RIT2: variants seen among roughly 807,000 people sequenced by gnomAD.
The protein encoded by RIT2 is Ras like without CAAX 2, also known as GTP-binding protein Rit2.
A neutral mutation model predicts 23.7 loss-of-function variants in RIT2; 24 were observed. The ratio of observed to expected loss-of-function variants is 1.01; its 90% CI spans 0.73 to 1.43. The LOEUF is 1.43. Ranked by LOEUF, RIT2 falls within the 40% of genes most tolerant of loss-of-function variation. The pLI, the probability that RIT2 is intolerant of heterozygous loss-of-function variation, is 0.00. For synonymous variants in RIT2, 107 were observed against 91.1 expected (o/e 1.17, Z -0.99); for missense variants, 236 against 266.9 (o/e 0.88, Z 0.81).
intron 3 of RIT2, among the ~76,000 whole-genome samples, chr18:42,958,140 C>G (rs988734950): frequency 6.6e-6 from 1 of 152,134 alleles, no homozygotes; most frequent in African/African-American, 2.4e-5. Flanking sequence ...AGGCAAGAAA[C>G]AGTCTATAAA....
chr18:42,769,990 G>C (rs1370605838), intron 4 of RIT2, among the ~76,000 whole-genome samples: 1 of 151,930 alleles, frequency 6.6e-6, no homozygotes, highest in Non-Finnish European at 1.5e-5. Flanking sequence ...AGTTTCTACA[G>C]ATCCAAGACA....
chr18:43,042,199 A>G (rs1184702595), intron 1 of RIT2, among the ~76,000 whole-genome samples: 3 of 152,274 alleles, frequency 2.0e-5, no homozygotes, highest in African/African-American at 7.2e-5. Flanking sequence ...ACCATGAAAA[A>G]ATTACTCAAA....
In RIT2 at chr18:42,880,804, CT is replaced by C. The variant is rs397966126; in HGVS notation, c.426+42767del. 1.2e-3 allele frequency among the ~76,000 whole-genome samples: 134 copies of C among 115,558 alleles called. 1 individual carries two copies. The highest frequency in any genetic ancestry group is 1.5e-3 in the African/African-American group (44 of 29,112). 75.8% of individuals were successfully genotyped at this position (115,558 alleles called of 152,430 possible). ...AACAGAATTCTTCCTCTTCCTACCT[CT>C]TTTTTTTTTTTTTTTTTTTGAGACA... On this transcript the variant is annotated intron_variant, in intron 4 of 4. Coordinates refer to ENST00000326695, the MANE Select transcript of RIT2 (RefSeq NM_002930.4).
In RIT2 at chr18:43,098,630, G is replaced by A. The variant is rs181173158; in HGVS notation, c.103+16787C>T. Among the ~76,000 whole-genome samples the A allele has an allele frequency of 9.5e-4, 145 of 151,984 alleles. 6 individuals are homozygous for A. The East Asian group carries it at 0.025, about 26-fold the overall frequency. On this transcript the variant is annotated intron_variant, in intron 1 of 4. Coordinates refer to ENST00000326695, the MANE Select transcript of RIT2 (RefSeq NM_002930.4). ...TAACAATAGCAACAATAACAACCAC[G>A]ACAACAATAACTAGTGCTTATGAGG...
chr18:43,097,646 C>A (rs2144369109), intron 1 of RIT2, among the ~76,000 whole-genome samples: 1 of 152,004 alleles, frequency 6.6e-6, no homozygotes, highest in African/African-American at 2.4e-5. Context: ...AACAATAACT[C>A]CCATTGGCTG....
intron 4 of RIT2, chr18:42,920,739 T>C (rs1452127876): frequency 6.3e-7 from 1 of 1,595,826 alleles, no homozygotes; most frequent in Non-Finnish European, 8.5e-7. Flanking sequence ...AATTCTTCCC[T>C]TCCAAACTCT....
chr18:43,100,115 A>C (rs911045146), intron 1 of RIT2, among the ~76,000 whole-genome samples: 4 of 152,146 alleles, frequency 2.6e-5, no homozygotes, highest in Non-Finnish European at 4.4e-5. Flanking sequence ...CTATAGAAAG[A>C]AAAAGTGGAC....
At chr18:42,929,954 G>A (rs1467066760) in intron 3 of RIT2, among the ~76,000 whole-genome samples, 2 of 152,148 alleles carry the variant, frequency 1.3e-5, no homozygotes, top group Non-Finnish European at 2.9e-5. Flanking sequence ...GCGCAAAGAT[G>A]GATGTTCCAG....
intron 2 of RIT2, among the ~76,000 whole-genome samples, chr18:43,002,277 C>A (rs144436312): frequency 3.6e-4 from 54 of 151,996 alleles, no homozygotes; most frequent in Non-Finnish European, 6.3e-4. Context: ...AATTCTTCCA[C>A]TTTCTTCTGC....
At chr18:42,928,394 T>C (rs1398472825) in intron 3 of RIT2, among the ~76,000 whole-genome samples, 1 of 152,062 alleles carries the variant, frequency 6.6e-6, no homozygotes, top group African/African-American at 2.4e-5. Context: ...CTTAACTTTA[T>C]TATTTGTACA....
intron 4 of RIT2, among the ~76,000 whole-genome samples, chr18:42,795,564 C>G (rs1222222729): frequency 6.6e-6 from 1 of 152,232 alleles, no homozygotes; most frequent in Non-Finnish European, 1.5e-5. Context: ...GAGCGCAGCC[C>G]CCTGCTCCAC....
chr18:43,006,053 A>G (rs557960286), intron 2 of RIT2, among the ~76,000 whole-genome samples: 15 of 151,846 alleles, frequency 9.9e-5, no homozygotes, highest in East Asian at 5.9e-4. Flanking sequence ...TTTGGAAAAA[A>G]AAAATTGAGA....
chr18:42,843,758 T>C (rs1054207353), intron 4 of RIT2, among the ~76,000 whole-genome samples: 4 of 152,194 alleles, frequency 2.6e-5, no homozygotes, highest in African/African-American at 9.6e-5. Context: ...TGTTGATGTT[T>C]GTAGCAATGA....
At chr18:43,114,081 T>A (rs750504821) in intron 1 of RIT2, among the ~76,000 whole-genome samples, 1 of 152,210 alleles carries the variant, frequency 6.6e-6, no homozygotes, top group Non-Finnish European at 1.5e-5. Context: ...CTCAAATCAT[T>A]ATATTTAGAG....
chr18:43,071,588 T>A (rs1239170606), intron 1 of RIT2, among the ~76,000 whole-genome samples: 1 of 152,172 alleles, frequency 6.6e-6, no homozygotes, highest in African/African-American at 2.4e-5. Context: ...CATCTTCAGG[T>A]TGTACAGATA....
chr18:42,947,266 T>A (rs635520), intron 3 of RIT2, among the ~76,000 whole-genome samples: 59,691 of 151,852 alleles, frequency 0.39, 14,604 homozygotes, highest in East Asian at 0.85. Context: ...ATTTGGAGAG[T>A]AAGCTTAACT....
chr18:42,930,278 G>T (rs900336801), intron 3 of RIT2, among the ~76,000 whole-genome samples: 2 of 151,874 alleles, frequency 1.3e-5, no homozygotes, highest in African/African-American at 4.8e-5. Context: ...ACTGAAAGCA[G>T]GGAGAAAACC....
At chr18:43,106,091 C>A (rs1913815840) in intron 1 of RIT2, among the ~76,000 whole-genome samples, 3 of 152,168 alleles carry the variant, frequency 2.0e-5, no homozygotes, top group South Asian at 4.1e-4. Context: ...GAGATATTAA[C>A]CACACCCACA....
intron 1 of RIT2, among the ~76,000 whole-genome samples, chr18:43,061,555 G>T (rs1209011342): frequency 5.9e-5 from 9 of 152,074 alleles, no homozygotes; most frequent in African/African-American, 2.2e-4. Context: ...GCCAGTTCTG[G>T]ATAGAGTCCA....
Sources: allele counts gnomAD v4.1 joint callset (sites outside exome capture counted in the v4.1 genomes callset), GRCh38; gene constraint gnomAD v4.1.1; transcripts MANE v1.5; gene names NCBI Gene and HGNC (gene_info 2026-07-23, HGNC 2026-07-21).